Variants in OTUD3 observed in about 807,000 individuals in gnomAD.
OTUD3 encodes OTU deubiquitinase 3.
In OTUD3, 24 loss-of-function variants were observed where a neutral mutation model predicts 46.2. The ratio of observed to expected loss-of-function variants is 0.52; its 90% CI spans 0.38 to 0.73. The LOEUF (loss-of-function observed/expected upper bound fraction) is 0.73, where lower values mean the gene tolerates loss of function less well. Ranked by LOEUF, OTUD3 falls within the 30% of genes least tolerant of loss-of-function variation. The pLI, the probability that OTUD3 is intolerant of heterozygous loss-of-function variation, is 0.00. For missense variants in OTUD3, 455 were observed against 523.3 expected (o/e 0.87, Z 1.27); for synonymous variants, 189 against 195.4 (o/e 0.97, Z 0.27).
At chr1:19,883,774 C>G (rs1467631100) in intron 1 of OTUD3, among the ~76,000 whole-genome samples, 1 of 152,160 alleles carries the variant, frequency 6.6e-6, no homozygotes, top group African/African-American at 2.4e-5. Context: ...AGCTACCACC[C>G]CCGGCCAGGA....
rs116362786 is a variant in OTUD3, at chr1:19,885,470, C to T, written c.221+2736C>T. Among the ~76,000 whole-genome samples the T allele has an allele frequency of 6.6e-3, 999 of 152,244 alleles. 8 individuals carry two copies. The highest frequency in any genetic ancestry group is 0.023 in the African/African-American group (963 of 41,558). Reference sequence around the variant, plus strand: ...GGTGTCAACAGATTCTTCTACCCCCCTCAGACGGAGTCTTACTCTGCCACC... The same window carrying T: ...GGTGTCAACAGATTCTTCTACCCCCTTCAGACGGAGTCTTACTCTGCCACC... On this transcript the variant is annotated intron_variant, in intron 1 of 7. Transcript: ENST00000375120.
intron 4 of OTUD3, among the ~76,000 whole-genome samples, chr1:19,900,434 C>A (rs1280667858): frequency 1.3e-5 from 2 of 152,052 alleles, no homozygotes; most frequent in African/African-American, 2.4e-5. Context: ...AAGCAACCCT[C>A]CTGCCTCGAC....
At chr1:19,903,958 AG>A (rs1180651923) in intron 4 of OTUD3, among the ~76,000 whole-genome samples, 10 of 152,218 alleles carry the variant, frequency 6.6e-5, no homozygotes, top group African/African-American at 2.4e-4. Context: ...AAATCAGCTG[AG>A]GTGACTGTGT....
chr1:19,905,874 G>A (rs1232206465), intron 6 of OTUD3, among the ~76,000 whole-genome samples: 1 of 152,162 alleles, frequency 6.6e-6, no homozygotes, highest in African/African-American at 2.4e-5. Context: ...CATGTGATGA[G>A]GTATTTTATT....
intron 2 of OTUD3, 150 bp from the exon 3 acceptor site, chr1:19,894,218 G>A: frequency 1.9e-6 from 1 of 534,632 alleles, no homozygotes; most frequent in Non-Finnish European, 3.3e-6. Flanking sequence ...TGTTCAACTA[G>A]CTAAATTCCT....
intron 4 of OTUD3, 102 bp from the exon 5 acceptor site, chr1:19,904,165 C>T (rs1376300391): frequency 7.0e-6 from 6 of 860,096 alleles, no homozygotes; most frequent in Admixed American, 3.3e-5. Flanking sequence ...AGGTTTTCCC[C>T]TATATATATG....
Position 19,882,701 on chromosome 1 carries a change from TG to T in OTUD3, c.192del (p.Leu65Ter). The T allele has an allele frequency of 7.0e-7, 1 of 1,426,236 alleles. No individual in the cohort carries two copies. 88.3% of individuals were successfully genotyped at this position (1,426,236 alleles called of 1,614,324 possible). A position where few individuals can be genotyped will look rare whatever the true frequency, so the allele number is the denominator to read the frequency against. On this transcript the variant is annotated frameshift_variant, in exon 1 of 8. Transcript: ENST00000375120. LOFTEE classifies it high-confidence loss of function. Reference sequence around the variant, plus strand: ...AGCTTCGCCAACCAGCTGCAGGCCCTGGGGCTGAAGCTGCGGGAGGTGCCGG... The same window carrying T: ...AGCTTCGCCAACCAGCTGCAGGCCCTGGGCTGAAGCTGCGGGAGGTGCCGG... ...FVSFANQLQA[L>X]GLKLREVPGD...
chr1:19,884,807 C>T (rs935152021), intron 1 of OTUD3, among the ~76,000 whole-genome samples: 6 of 152,148 alleles, frequency 3.9e-5, no homozygotes, highest in African/African-American at 1.4e-4. Flanking sequence ...TCCCACATCT[C>T]CGGTCCCTTG....
rs890789858 is a variant in OTUD3, at chr1:19,911,155, T to C, written c.*3409T>C. On this transcript the variant is annotated 3_prime_UTR_variant, in exon 8 of 8. Transcript: ENST00000375120. The stretch of plus-strand genomic sequence containing the variant: ...TTTTAATGTGTTGCGTCAGTGGCCC[T>C]CTTCGACTCCCGTTTTGGGTAGATG... 7 of 152,344 alleles carry C rather than the reference T, an allele frequency of 4.6e-5. No individual in the cohort carries two copies. The highest frequency in any genetic ancestry group is 2.6e-4 in the Admixed American group (4 of 15,280). The allele number at this position is 152,344 out of a possible 1,614,324, so 9.4% of individuals were successfully genotyped here.
intron 3 of OTUD3, among the ~76,000 whole-genome samples, chr1:19,894,828 A>C (rs559700685): frequency 6.6e-6 from 1 of 152,210 alleles, no homozygotes; most frequent in South Asian, 2.1e-4. Context: ...AAGACTGAGC[A>C]TGTGGTTTCT....
chr1:19,886,571 T>G (rs1356618752), intron 1 of OTUD3, among the ~76,000 whole-genome samples: 1 of 152,182 alleles, frequency 6.6e-6, no homozygotes, highest in Non-Finnish European at 1.5e-5. Flanking sequence ...CTAGATCAAC[T>G]ACATCAGAAT....
intron 1 of OTUD3, among the ~76,000 whole-genome samples, chr1:19,887,866 C>T (rs2045390220): frequency 6.6e-6 from 1 of 152,152 alleles, no homozygotes; most frequent in African/African-American, 2.4e-5. Context: ...AAACCTTTTC[C>T]TTTTTCTGCA....
Position 19,885,897 on chromosome 1 carries a change from A to G in OTUD3, c.221+3163A>G, listed in dbSNP as rs189962458. ...TCTGGAGTAGCCTGATACAGTATCT[A>G]TGAGCATGTTCATTGTTGGCAATAT... On this transcript the variant is annotated intron_variant, in intron 1 of 7. Transcript: ENST00000375120. 7.7e-4 allele frequency among the ~76,000 whole-genome samples: 118 copies of G among 152,362 alleles called. 1 individual carries two copies. Among genetic ancestry groups the G allele is most frequent in the African/African-American group, 2.7e-3 (114 of 41,580 alleles).
intron 1 of OTUD3, among the ~76,000 whole-genome samples, chr1:19,889,435 A>G (rs2045418135): frequency 6.6e-6 from 1 of 152,180 alleles, no homozygotes; most frequent in African/African-American, 2.4e-5. Context: ...TCTGAAAGTG[A>G]TGAGTTTATA....
At chr1:19,887,397 A>G (rs2045380301) in intron 1 of OTUD3, among the ~76,000 whole-genome samples, 1 of 151,752 alleles carries the variant, frequency 6.6e-6, no homozygotes, top group Non-Finnish European at 1.5e-5. Context: ...GATCTCTCAT[A>G]TTTTCTTATA....
Position 19,905,005 on chromosome 1 carries a change from AT to A in OTUD3, c.835+21del. The A allele has an allele frequency of 8.1e-7, 1 of 1,229,060 alleles. No individual in the cohort carries two copies. Among genetic ancestry groups the A allele is most frequent in the Non-Finnish European group, 1.2e-6 (1 of 849,436 alleles). The allele number at this position is 1,229,060 out of a possible 1,614,324, so 76.1% of individuals were successfully genotyped here. On this transcript the variant is annotated intron_variant, in intron 6 of 7. Transcript: ENST00000375120. ...GAGAAATAGTAAGTCCATGACTAAT[AT>A]TTATAGATCTTCAAAATGGTTGTGT...
chr1:19,909,171 G>A lies in OTUD3; in HGVS notation c.*1425G>A, dbSNP rs1177513357. 3 of 152,136 alleles carry A rather than the reference G, an allele frequency of 2.0e-5. No homozygotes were observed. The highest frequency in any genetic ancestry group is 2.9e-5 in the Non-Finnish European group (2 of 68,012). 9.4% of individuals were successfully genotyped at this position (152,136 alleles called of 1,614,324 possible). A position where few individuals can be genotyped will look rare whatever the true frequency, so the allele number is the denominator to read the frequency against. ...TCGCATTTCAGAATTATAAAAATTC[G>A]GAGGCAAATTGAAAACTAAAATGTT... On this transcript the variant is annotated 3_prime_UTR_variant, in exon 8 of 8. Transcript: ENST00000375120.
At position 19,912,869 on chromosome 1, in the gene OTUD3, A is replaced by G. The variant is rs921946447; in HGVS notation, c.*5123A>G. 6.6e-6 allele frequency: 1 copy of G among 152,332 alleles called. No homozygotes were observed. The highest frequency in any genetic ancestry group is 2.1e-4 in the South Asian group (1 of 4,824). The allele number at this position is 152,332 out of a possible 1,614,324, so 9.4% of individuals were successfully genotyped here. ...TTTTTAATCTTCGATACTTGGTGCA[A>G]TAGAAGCTGCAAAGATGTGCCACTT... On this transcript the variant is annotated 3_prime_UTR_variant, in exon 8 of 8. Transcript: ENST00000375120.
At chr1:19,896,411 T>C (rs2045519321) in intron 3 of OTUD3, among the ~76,000 whole-genome samples, 1 of 152,038 alleles carries the variant, frequency 6.6e-6, no homozygotes, top group Non-Finnish European at 1.5e-5. Context: ...GTAAGTGCTT[T>C]AGGGATTATG....
Sources: gnomAD v4.1 joint callset for allele counts (sites outside exome capture counted in the v4.1 genomes callset) on GRCh38, gnomAD v4.1.1 for gene constraint, MANE v1.5 for transcripts, NCBI Gene and HGNC (gene_info 2026-07-23, HGNC 2026-07-21) for gene names.